Variants in WDFY2 observed in about 807,000 individuals in gnomAD.
The protein encoded by WDFY2 is WD repeat and FYVE domain containing 2.
A neutral mutation model predicts 56.4 loss-of-function variants in WDFY2; 36 were observed. The observed-to-expected ratio is 0.64, with a 90% confidence interval of 0.49 to 0.84. The LOEUF (loss-of-function observed/expected upper bound fraction) is 0.84. Ranked by LOEUF, WDFY2 falls within the 40% of genes least tolerant of loss-of-function variation. The pLI is 0.00. For synonymous variants in WDFY2, 176 were observed against 183.7 expected (o/e 0.96, Z 0.34); for missense variants, 444 against 512.2 (o/e 0.87, Z 1.29).
chr13:51,713,777 G>T (rs887231370), intron 4 of WDFY2, among the ~76,000 whole-genome samples: 19 of 150,876 alleles, frequency 1.3e-4, no homozygotes, highest in African/African-American at 4.6e-4. Flanking sequence ...AACCCAGGAG[G>T]TGGAGGTTGC....
intron 1 of WDFY2, among the ~76,000 whole-genome samples, chr13:51,612,828 G>C (rs1954529775): frequency 6.6e-6 from 1 of 152,178 alleles, no homozygotes; most frequent in Non-Finnish European, 1.5e-5. Flanking sequence ...CAGGTAGAGG[G>C]TGCAGAGATT....
At chr13:51,707,557 G>A (rs915452117) in intron 4 of WDFY2, among the ~76,000 whole-genome samples, 8 of 151,982 alleles carry the variant, frequency 5.3e-5, no homozygotes, top group African/African-American at 1.7e-4. Flanking sequence ...CATTTTTTTG[G>A]ACACACAAAA....
intron 1 of WDFY2, among the ~76,000 whole-genome samples, chr13:51,645,864 C>T (rs1955253110): frequency 1.3e-5 from 2 of 152,104 alleles, no homozygotes; most frequent in South Asian, 4.1e-4. Flanking sequence ...AGGTCTTACC[C>T]CTGAACTTCA....
chr13:51,653,402 C>T (rs544752081), intron 1 of WDFY2, among the ~76,000 whole-genome samples: 45 of 152,338 alleles, frequency 3.0e-4, no homozygotes, highest in Admixed American at 9.1e-4. Context: ...TCTCTCAACT[C>T]GTCAAAGTCA....
chr13:51,604,472 A>G (rs1167434996), intron 1 of WDFY2, among the ~76,000 whole-genome samples: 1 of 152,200 alleles, frequency 6.6e-6, no homozygotes. Flanking sequence ...GTTTATTATG[A>G]GCCTACAGAG....
chr13:51,708,029 G>C (rs1952124807), intron 4 of WDFY2, among the ~76,000 whole-genome samples: 1 of 128,260 alleles, frequency 7.8e-6, no homozygotes. Context: ...AACAATTGTG[G>C]GCACACCCCA....
chr13:51,601,418 C>CTT lies in WDFY2; in HGVS notation c.137+16607_137+16608dup, dbSNP rs372263587. ...ATGATTGTATGAAGTTAGTAGTTTA[C>CTT]TTTTTTTTTTTTTTAGACATAGTTT... On this transcript the variant is annotated intron_variant, in intron 1 of 11. Coordinates refer to ENST00000298125, the MANE Select transcript of WDFY2 (RefSeq NM_052950.4). Among the ~76,000 whole-genome samples the CTT allele has an allele frequency of 3.6e-4, 52 of 143,218 alleles. 1 individual carries two copies. The highest frequency in any genetic ancestry group is 1.1e-3 in the South Asian group (5 of 4,456). The allele number at this position is 143,218 out of a possible 152,430, so 94.0% of individuals were successfully genotyped here.
At chr13:51,603,845 CAT>C (rs1462945629) in intron 1 of WDFY2, among the ~76,000 whole-genome samples, 1 of 152,174 alleles carries the variant, frequency 6.6e-6, no homozygotes, top group East Asian at 1.9e-4. Context: ...GTTGCTGACT[CAT>C]ATGGCCTTAG....
At chr13:51,757,447 T>C (rs1002598165) in intron 10 of WDFY2, among the ~76,000 whole-genome samples, 2 of 141,708 alleles carry the variant, frequency 1.4e-5, no homozygotes, top group South Asian at 2.4e-4. Context: ...GATTTAGCTA[T>C]AGAAAAAAGG....
At chr13:51,661,667 A>T (rs1033708616) in intron 2 of WDFY2, among the ~76,000 whole-genome samples, 1 of 152,242 alleles carries the variant, frequency 6.6e-6, no homozygotes, top group Non-Finnish European at 1.5e-5. Flanking sequence ...ATTATTAATG[A>T]TATAATAATT....
At chr13:51,701,378 AGGCAT>A (rs1335202856) in intron 3 of WDFY2, among the ~76,000 whole-genome samples, 1 of 151,888 alleles carries the variant, frequency 6.6e-6, no homozygotes, top group East Asian at 1.9e-4. Context: ...AAAATTAGCC[AGGCAT>A]GGTGGCATGT....
intron 1 of WDFY2, among the ~76,000 whole-genome samples, chr13:51,641,552 C>T (rs1484384956): frequency 2.1e-4 from 32 of 151,546 alleles, no homozygotes; most frequent in Admixed American, 1.9e-3. Context: ...TCGGGCCGGG[C>T]GCGGTGGCTC....
intron 5 of WDFY2, among the ~76,000 whole-genome samples, chr13:51,719,931 A>T (rs1021663858): frequency 1.3e-5 from 2 of 152,196 alleles, no homozygotes; most frequent in Admixed American, 6.5e-5. Flanking sequence ...CAGGGTCCTC[A>T]TGCTCATGGT....
chr13:51,602,819 T>TACTC (rs1566307027), intron 1 of WDFY2, among the ~76,000 whole-genome samples: 1 of 152,246 alleles, frequency 6.6e-6, no homozygotes. Flanking sequence ...AAATCCTTTG[T>TACTC]ACTCATCTGA....
At chr13:51,636,517 C>A (rs935089799) in intron 1 of WDFY2, among the ~76,000 whole-genome samples, 1 of 152,182 alleles carries the variant, frequency 6.6e-6, no homozygotes, top group African/African-American at 2.4e-5. Context: ...AAGCAAAATA[C>A]CACAGCAATT....
Position 51,758,172 on chromosome 13 carries a change from G to A in WDFY2, c.1065-20G>A. On this transcript the variant is annotated intron_variant, in intron 10 of 11. Coordinates refer to ENST00000298125, the MANE Select transcript of WDFY2 (RefSeq NM_052950.4). ...ATGTCACCACCTTTTCCCCTCAGAA[G>A]CTTTCTTTGCTCCTTCTAGACGTGC... 1 of 1,532,138 alleles carries A rather than the reference G, an allele frequency of 6.5e-7. No individual in the cohort carries two copies. The highest frequency in any genetic ancestry group is 8.9e-7 in the Non-Finnish European group (1 of 1,119,364). The allele number at this position is 1,532,138 out of a possible 1,614,324, so 94.9% of individuals were successfully genotyped here.
At chr13:51,671,771 A>G (rs1385154653) in intron 2 of WDFY2, among the ~76,000 whole-genome samples, 1 of 75,702 alleles carries the variant, frequency 1.3e-5, no homozygotes, top group African/African-American at 5.2e-5. Flanking sequence ...GATTTGTTGC[A>G]TTTGCTTTTT....
chr13:51,590,495 G>A (rs1270454464), intron 1 of WDFY2: 1 of 152,090 alleles, frequency 6.6e-6, no homozygotes, highest in Non-Finnish European at 1.5e-5. Flanking sequence ...AACAGTGTGG[G>A]GAAAATTAAA....
chr13:51,712,681 C>T (rs1952248604), intron 4 of WDFY2, among the ~76,000 whole-genome samples: 1 of 151,254 alleles, frequency 6.6e-6, no homozygotes, highest in African/African-American at 2.4e-5. Context: ...TCAATGAAAT[C>T]CAAAAGCTAG....
Sources: allele counts gnomAD v4.1 joint callset (sites outside exome capture counted in the v4.1 genomes callset), GRCh38; gene constraint gnomAD v4.1.1; transcripts MANE v1.5; gene names NCBI Gene and HGNC (gene_info 2026-07-23, HGNC 2026-07-21).